The following MAGED1 variants were observed in gnomAD, a reference collection of about 807,000 sequenced individuals.
The protein encoded by MAGED1 is melanoma-associated antigen D1.
MAGED1 carries 3 observed loss-of-function variants against 54.1 expected under a neutral mutation model. The observed-to-expected ratio is 0.06, with a 90% CI of 0.03 to 0.14. The LOEUF (loss-of-function observed/expected upper bound fraction) is 0.14. Among genes scored for constraint, MAGED1 ranks in the 10% least tolerant of loss-of-function variants. MAGED1 has a pLI of 1.00. For synonymous variants in MAGED1, 217 were observed against 227.3 expected, an observed-to-expected ratio of 0.95 and a Z score of 0.41; for missense variants, 485 against 623.4, an observed-to-expected ratio of 0.78 and a Z score of 2.36.
In MAGED1 at chrX:51,895,466, T is replaced by A. The variant is rs1928701732; in HGVS notation, c.459T>A (p.Thr153=). Residue 153 remains threonine, a synonymous_variant, in exon 3 of 13, where the codon ACT becomes ACA. Transcript: ENST00000326587. ...EMAFKAQNAT[T]KVGPNATYNF... is the part of the protein sequence containing the mutation. ...CCTTCAAGGCCCAGAATGCCACTAC[T>A]AAAGTGGGCCCAAATGCCACCTACA... is the stretch of plus-strand genomic sequence containing the variant. 3 of 1,209,014 alleles carry A rather than the reference T, an allele frequency of 2.5e-6. No individual in the cohort carries two copies. The highest frequency in any genetic ancestry group is 3.4e-6 in the Non-Finnish European group (3 of 894,128).
Position 51,900,224 on chromosome X carries a change from G to A in MAGED1, c.1887G>A (p.Glu629=). The part of the protein sequence containing the change: ...YRRVPNSNPP[E]YEFLWGLRSY... ...GAGTGCCCAACAGCAACCCCCCGGA[G>A]TATGAGTTCCTCTGGGGCCTCCGTT... Residue 629 remains glutamate, a synonymous_variant, in exon 11 of 13, where the codon GAG becomes GAA. Coordinates refer to ENST00000326587, the MANE Select transcript of MAGED1 (RefSeq NM_006986.4). 1 of 1,208,247 alleles carries A rather than the reference G, an allele frequency of 8.3e-7. No individual in the cohort carries two copies. Among genetic ancestry groups the A allele is most frequent in the South Asian group, 1.8e-5 (1 of 56,076 alleles).
At chrX:51,852,281 A>G (rs983800683) in intron 1 of MAGED1, among the ~76,000 whole-genome samples, 6 of 111,619 alleles carry the variant, frequency 5.4e-5, no homozygotes, top group African/African-American at 1.3e-4. Flanking sequence ...GGGCTCACCA[A>G]GATAATCCAG....
intron 1 of MAGED1, among the ~76,000 whole-genome samples, chrX:51,840,231 T>C (rs1252592744): frequency 9.0e-6 from 1 of 111,334 alleles, no homozygotes; most frequent in African/African-American, 3.3e-5. Context: ...AGGTTATTTA[T>C]ATTAACATGT....
chrX:51,902,020 A>G, intron 12 of MAGED1, 82 bp downstream of exon 12: 2 of 995,222 alleles, frequency 2.0e-6, no homozygotes, highest in Non-Finnish European at 2.7e-6. Context: ...TGCATGAGCT[A>G]GAAGTATTAG....
Position 51,871,837 on chromosome X carries a change from G to A in MAGED1, c.-36-22432G>A, listed in dbSNP as rs782684492. On this transcript the variant is annotated intron_variant, in intron 1 of 12. Transcript: ENST00000375772. ...ATGGTATTTCTAGTTCTAGATCCCT[G>A]AGGAATCGCCACACCGACTTCTACA... Among the ~76,000 whole-genome samples, 14 of 111,749 alleles carry A rather than the reference G, an allele frequency of 1.3e-4. No homozygotes were observed. In the South Asian group the frequency reaches 2.7e-3, roughly 21 times the overall value.
intron 3 of MAGED1, chrX:51,896,065 C>T (rs543868999): frequency 1.1e-5 from 4 of 379,252 alleles, no homozygotes; most frequent in South Asian, 6.1e-5. Flanking sequence ...TTAAAGGCAC[C>T]TCCTACCAGG....
intron 1 of MAGED1, among the ~76,000 whole-genome samples, chrX:51,841,270 T>G (rs1926466256): frequency 9.0e-6 from 1 of 110,927 alleles, no homozygotes; most frequent in South Asian, 3.9e-4. Flanking sequence ...TCGCCCACTT[T>G]TTGATGGGGT....
intron 1 of MAGED1, among the ~76,000 whole-genome samples, chrX:51,871,943 CCTGA>C (rs1432691008): frequency 8.9e-6 from 1 of 111,732 alleles, no homozygotes; most frequent in African/African-American, 3.3e-5. Flanking sequence ...TCTGTTGTTT[CCTGA>C]CTTTTTAATG....
Position 51,856,893 on chromosome X carries a change from T to C in MAGED1, c.-36-37376T>C, listed in dbSNP as rs181201781. 8 of 111,697 alleles carry C rather than the reference T, an allele frequency of 7.2e-5. No homozygotes were observed. The East Asian group carries it at 1.4e-3, about 20-fold the overall frequency. The allele number at this position is 111,697 out of a possible 1,213,427, so 9.2% of individuals were successfully genotyped here. ...GGAAAGGCAAGCTAGATGCATATTA[T>C]ATATGGGAATCTTCTAGGAAAAAAA... On this transcript the variant is annotated intron_variant, in intron 1 of 12. Coordinates refer to the MAGED1 transcript ENST00000375772.
intron 11 of MAGED1, among the ~76,000 whole-genome samples, chrX:51,900,853 C>T (rs1291560721): frequency 1.8e-5 from 2 of 112,239 alleles, no homozygotes; most frequent in East Asian, 5.6e-4. Flanking sequence ...AGGCTGGTCT[C>T]AAACTCCTGA....
rs377738459 is a variant in MAGED1, at chrX:51,898,254, G to A, written c.1739-31G>A. 1.9e-4 allele frequency: 232 copies of A among 1,207,861 alleles called. 1 individual carries two copies. The African/African-American group carries it at 3.3e-3, about 17-fold the overall frequency. ...AGCCTGATTTCCATGCTTATTTTCC[G>A]TCCCTTGTCTCCCCTTGCCTCCCAT... On this transcript the variant is annotated intron_variant, in intron 8 of 12. Transcript: ENST00000326587.
chrX:51,876,123 T>C (rs1927858401), intron 1 of MAGED1, among the ~76,000 whole-genome samples: 1 of 111,578 alleles, frequency 9.0e-6, no homozygotes, highest in Non-Finnish European at 1.9e-5. Flanking sequence ...TGAGAAAATG[T>C]GTGAAGAGCA....
chrX:51,896,556 G>T lies in MAGED1; in HGVS notation c.901G>T (p.Ala301Ser). ...PPNVLWQTPLAWQNPSGWQNQ... is the reference protein window; with the variant it reads ...PPNVLWQTPLSWQNPSGWQNQ... ...CAATGTGCTCTGGCAGACGCCATTG[G>T]CTTGGCAGAACCCCTCAGGCTGGCA... The change falls in exon 4 of 13, where the codon GCT (alanine) becomes TCT (serine). Residue 301 changes from alanine to serine, a missense_variant. Physicochemically the swap from Ala to Ser is moderately conservative, Grantham distance 99 (BLOSUM62 1). This residue lies in a region of MAGED1 where 299 missense variants were observed against 293.1 expected (regional missense o/e 1.02). Coordinates refer to ENST00000326587, the MANE Select transcript of MAGED1 (RefSeq NM_006986.4). 1.7e-6 allele frequency: 2 copies of T among 1,211,775 alleles called. No homozygotes were observed. Among genetic ancestry groups the T allele is most frequent in the Non-Finnish European group, 2.2e-6 (2 of 895,511 alleles).
chrX:51,899,842 C>T (rs933802284), intron 10 of MAGED1: 1 of 180,036 alleles, frequency 5.6e-6, no homozygotes, highest in Admixed American at 8.4e-5. Context: ...GCCAGGCTGA[C>T]ACTTTTGCAC....
At chrX:51,810,520 T>C (rs1925181744) in intron 1 of MAGED1, among the ~76,000 whole-genome samples, 1 of 112,049 alleles carries the variant, frequency 8.9e-6, no homozygotes, top group Admixed American at 9.5e-5. Flanking sequence ...TCTGGTCTTA[T>C]GCTGGGCACA....
chrX:51,855,752 C>T (rs1927061438), intron 1 of MAGED1, among the ~76,000 whole-genome samples: 1 of 111,347 alleles, frequency 9.0e-6, no homozygotes, highest in Non-Finnish European at 1.9e-5. Flanking sequence ...TCTCAAACTC[C>T]TGACCTCAAA....
upstream of MAGED1, among the ~76,000 whole-genome samples, chrX:51,889,348 C>G (rs1332212635): frequency 4.5e-5 from 5 of 110,623 alleles, no homozygotes; most frequent in Non-Finnish European, 9.5e-5. Flanking sequence ...TGTCATAGGG[C>G]CGGGCATGGT....
At chrX:51,893,248 G>C (rs372796712), upstream of MAGED1, among the ~76,000 whole-genome samples, 11 of 110,753 alleles carry the variant, frequency 9.9e-5, no homozygotes, top group African/African-American at 3.3e-4. Flanking sequence ...TGCTGGACAA[G>C]GGGGTGGAGA....
chrX:51,817,621 G>C lies in MAGED1; in HGVS notation c.-37+14504G>C, dbSNP rs143403715. Among the ~76,000 whole-genome samples, 1,039 of 111,925 alleles carry C rather than the reference G, an allele frequency of 9.3e-3. 8 individuals are homozygous for C. The highest frequency in any genetic ancestry group is 0.013 in the Admixed American group (137 of 10,612). On this transcript the variant is annotated intron_variant, in intron 1 of 12. Transcript: ENST00000375772. ...CATTGTACACTATCTTTGCTGGCAA[G>C]ATCTTAACTGTACCGAGCTTTTTCT...
Sources: allele counts gnomAD v4.1 joint callset (sites outside exome capture counted in the v4.1 genomes callset), GRCh38; gene constraint gnomAD v4.1.1; regional missense constraint gnomAD v4.1.1; transcripts MANE v1.5; gene names NCBI Gene and HGNC (gene_info 2026-07-23, HGNC 2026-07-21).